Variants in PLAC9 observed in about 807,000 individuals in gnomAD.
PLAC9 encodes placenta-specific protein 9.
A neutral mutation model predicts 11.5 loss-of-function variants in PLAC9; 12 were observed. The ratio of observed to expected loss-of-function variants is 1.05; its 90% confidence interval spans 0.67 to 1.69. The LOEUF (loss-of-function observed/expected upper bound fraction) is 1.69, where lower values mean the gene tolerates loss of function less well. Ranked by LOEUF, PLAC9 falls within the 40% of genes most tolerant of loss-of-function variation. The pLI, the probability that PLAC9 is intolerant of heterozygous loss-of-function variation, is 0.00. For synonymous variants in PLAC9, 62 were observed against 58.1 expected (o/e 1.07, Z -0.31); for missense variants, 132 against 130.5 (o/e 1.01, Z -0.06).
rs139405842 is a variant in PLAC9, at chr10:80,142,102, C to G, written c.85C>G (p.Pro29Ala). The change falls in exon 2 of 4, where the codon CCG (proline) becomes GCG (alanine). Residue 29 changes from proline (P) to alanine (A), a missense_variant. By Grantham distance (27) the Pro-to-Ala change is conservative (BLOSUM62 -1). Transcript: ENST00000372263. ...SLAAAEPFSP[P>A]RGDSAQSTAC... ...CACAGCTGCCGAACCCTTCAGCCCTCCGCGAGGAGACTCAGCTCAGAGCAC... is the reference window on the plus strand; with the variant it reads ...CACAGCTGCCGAACCCTTCAGCCCTGCGCGAGGAGACTCAGCTCAGAGCAC... 1.2e-4 allele frequency: 199 copies of G among 1,610,700 alleles called. No individual in the cohort carries two copies. Among genetic ancestry groups the G allele is most frequent in the Non-Finnish European group, 1.6e-4 (186 of 1,177,536 alleles).
upstream of PLAC9, chr10:80,132,597 G>A: frequency 2.0e-6 from 1 of 496,870 alleles, no homozygotes; most frequent in Non-Finnish European, 3.4e-6. Flanking sequence ...TGCCCACGGG[G>A]TGCCGAGGGG....
intron 1 of PLAC9, among the ~76,000 whole-genome samples, chr10:80,136,160 C>T (rs7090424): frequency 0.15 from 23,255 of 152,196 alleles, 3,389 homozygotes; most frequent in African/African-American, 0.39. Context: ...CCGAGCCCTC[C>T]TCTGGGGCCT....
intron 1 of PLAC9, among the ~76,000 whole-genome samples, chr10:80,133,957 A>AAAAAAG (rs1554828762): frequency 6.6e-6 from 1 of 151,622 alleles, no homozygotes; most frequent in Non-Finnish European, 1.5e-5. Context: ...AAAAAAAAAA[A>AAAAAAG]AAGAAGAAGG....
At chr10:80,136,633 G>A (rs1329522884) in intron 1 of PLAC9, among the ~76,000 whole-genome samples, 6 of 150,268 alleles carry the variant, frequency 4.0e-5, no homozygotes, top group Non-Finnish European at 8.9e-5. Context: ...CACCAATCCT[G>A]GCTAATTTTT....
chr10:80,144,466 C>A (rs145627590), intron 3 of PLAC9, 123 bp downstream of exon 3: 47,741 of 1,328,786 alleles, frequency 0.036, 979 homozygotes, highest in Middle Eastern at 0.048. Context: ...GGCCCCAGCG[C>A]TCCCTGGGGA....
chr10:80,140,553 G>T (rs1352570316), intron 1 of PLAC9, among the ~76,000 whole-genome samples: 2 of 152,194 alleles, frequency 1.3e-5, no homozygotes, highest in African/African-American at 4.8e-5. Context: ...TCCTTCCTGA[G>T]TGTCAGCGTT....
chr10:80,133,600 G>A (rs1469737168), intron 1 of PLAC9, among the ~76,000 whole-genome samples: 4 of 152,124 alleles, frequency 2.6e-5, no homozygotes, highest in Non-Finnish European at 4.4e-5. Context: ...GGGTGGAGAT[G>A]GGGGACTGGG....
At chr10:80,143,744 A>G (rs1268832398) in intron 2 of PLAC9, among the ~76,000 whole-genome samples, 3 of 152,048 alleles carry the variant, frequency 2.0e-5, no homozygotes, top group Non-Finnish European at 4.4e-5. Context: ...TAGTAATTCT[A>G]TATGTTTTAT....
intron 1 of PLAC9, among the ~76,000 whole-genome samples, chr10:80,134,800 A>G (rs1844954990): frequency 6.6e-6 from 1 of 151,716 alleles, no homozygotes; most frequent in Non-Finnish European, 1.5e-5. Flanking sequence ...TATGTCTGTT[A>G]GATCTCTTTA....
intron 1 of PLAC9, among the ~76,000 whole-genome samples, chr10:80,138,650 G>A (rs1413200268): frequency 6.6e-6 from 1 of 152,190 alleles, no homozygotes; most frequent in African/African-American, 2.4e-5. Context: ...AGGTCAGGGT[G>A]CCTGAGGTCC....
Position 80,144,333 on chromosome 10 carries a change from C to A in PLAC9, c.273C>A (p.Asp91Glu), listed in dbSNP as rs748811481. Residue 91 changes from aspartate (D) to glutamate (E), a missense_variant, in exon 3 of 4, where the codon GAC (aspartate) becomes GAA (glutamate). By Grantham distance (45) the Asp-to-Glu change is conservative. Coordinates refer to ENST00000372263, the MANE Select transcript of PLAC9 (RefSeq NM_001012973.3). Reference sequence around the variant, plus strand: ...CGGGACCCTTCAGCCCCGCTCCCGACCTTCTCGGAGGTGAGCAGTGCAGGT... The same window carrying A: ...CGGGACCCTTCAGCCCCGCTCCCGAACTTCTCGGAGGTGAGCAGTGCAGGT... The part of the protein sequence containing the change: ...LPPGPFSPAP[D>E]LLGDGF 8.7e-6 allele frequency: 14 copies of A among 1,604,954 alleles called. No individual in the cohort carries two copies. Among genetic ancestry groups the A allele is most frequent in the Middle Eastern group, 1.6e-4 (1 of 6,076 alleles).
chr10:80,143,274 C>T (rs1436277216), intron 2 of PLAC9, among the ~76,000 whole-genome samples: 1 of 151,254 alleles, frequency 6.6e-6, no homozygotes, highest in South Asian at 2.1e-4. Flanking sequence ...ACCATGTTGG[C>T]CAGGCTAGTC....
Position 80,136,655 on chromosome 10 carries a change from AT to A in PLAC9, c.64+3833del, listed in dbSNP as rs1331638529. On this transcript the variant is annotated intron_variant, in intron 1 of 3. Coordinates refer to ENST00000372263, the MANE Select transcript of PLAC9 (RefSeq NM_001012973.3). ...CCTGGCTAATTTTTTTTTAATTTTT[AT>A]TTTATTTATTTATTTATTTATTTAT... Among the ~76,000 whole-genome samples, 5 of 131,452 alleles carry A rather than the reference AT, an allele frequency of 3.8e-5. No individual in the cohort carries two copies. In the South Asian group the frequency reaches 1.2e-3, roughly 32 times the overall value. 86.2% of individuals were successfully genotyped at this position (131,452 alleles called of 152,430 possible). A position where few individuals can be genotyped will look rare whatever the true frequency, so the allele number is the denominator to read the frequency against.
intron 1 of PLAC9, 138 bp downstream of exon 1, chr10:80,132,964 G>A (rs1424609575): frequency 1.5e-6 from 1 of 678,800 alleles, no homozygotes. Context: ...CAGGGAGGGA[G>A]GGATGGAGAG....
chr10:80,135,062 C>T (rs1328888479), intron 1 of PLAC9, among the ~76,000 whole-genome samples: 4 of 151,854 alleles, frequency 2.6e-5, no homozygotes, highest in Non-Finnish European at 5.9e-5. Context: ...CTCTGTCTCC[C>T]AGGCTGGAGT....
At chr10:80,138,304 C>T (rs772093748) in intron 1 of PLAC9, among the ~76,000 whole-genome samples, 2 of 152,118 alleles carry the variant, frequency 1.3e-5, no homozygotes, top group Non-Finnish European at 2.9e-5. Flanking sequence ...AAATCCAAGA[C>T]AGCACAGCCT....
upstream of PLAC9, chr10:80,132,532 A>T (rs1844923862): frequency 2.3e-6 from 1 of 433,870 alleles, no homozygotes; most frequent in East Asian, 3.9e-5. Flanking sequence ...CTTCCTCGGG[A>T]GGCGCCCAGG....
chr10:80,133,415 A>G (rs925026322), intron 1 of PLAC9, among the ~76,000 whole-genome samples: 13 of 152,278 alleles, frequency 8.5e-5, no homozygotes, highest in Non-Finnish European at 8.8e-5. Flanking sequence ...AAGAAGCCAC[A>G]CTCCAAAGGA....
chr10:80,144,013 C>A, intron 2 of PLAC9: 1 of 619,280 alleles, frequency 1.6e-6, no homozygotes, highest in East Asian at 2.9e-5. Flanking sequence ...AAAGAAGGAG[C>A]CTTAGAGAGC....
Sources: gnomAD v4.1 joint callset for allele counts (sites outside exome capture counted in the v4.1 genomes callset) on GRCh38, gnomAD v4.1.1 for gene constraint, MANE v1.5 for transcripts, NCBI Gene and HGNC (gene_info 2026-07-23, HGNC 2026-07-21) for gene names.